PTPRD: variants seen among roughly 807,000 people sequenced by gnomAD.
The protein encoded by PTPRD is protein tyrosine phosphatase receptor type D.
A neutral mutation model predicts 214.5 loss-of-function variants in PTPRD; 34 were observed. That is an observed-to-expected ratio of 0.16 (90% CI 0.12 to 0.21). The LOEUF (loss-of-function observed/expected upper bound fraction) is 0.21. PTPRD is among the 10% of genes least tolerant of loss of function. The pLI, the probability that PTPRD is intolerant of heterozygous loss-of-function variation, is 1.00. For synonymous variants in PTPRD, 1,128 were observed against 845.7 expected (o/e 1.33, Z -5.79); for missense variants, 2,545 against 2,398.7 (o/e 1.06, Z -1.27).
In PTPRD at chr9:10,111,340, G is replaced by A. The variant is rs1468328692; in HGVS notation, c.-544-77550C>T. On this transcript the variant is annotated intron_variant, in intron 3 of 45. Coordinates refer to ENST00000381196, the MANE Select transcript of PTPRD (RefSeq NM_002839.4). The stretch of plus-strand genomic sequence containing the variant: ...TGCAAGCTCCGCCTCCTGGGTTCAT[G>A]CCATTCTCCTGCCTCAGCCTCCCAA... Among the ~76,000 whole-genome samples the A allele has an allele frequency of 6.5e-4, 88 of 134,986 alleles. 4 individuals carry two copies. The highest frequency in any genetic ancestry group is 1.9e-3 in the African/African-American group (67 of 35,524). The allele number at this position is 134,986 out of a possible 152,430, so 88.6% of individuals were successfully genotyped here.
intron 8 of PTPRD, among the ~76,000 whole-genome samples, chr9:9,502,058 G>A (rs1281469763): frequency 6.6e-6 from 1 of 151,688 alleles, no homozygotes; most frequent in Non-Finnish European, 1.5e-5. Context: ...TACCACAATC[G>A]ATGTCATAAA....
At chr9:10,072,720 A>G (rs2098050609) in intron 3 of PTPRD, among the ~76,000 whole-genome samples, 1 of 152,090 alleles carries the variant, frequency 6.6e-6, no homozygotes, top group Non-Finnish European at 1.5e-5. Flanking sequence ...CTTGCTAGCT[A>G]CATAGCGCTG....
chr9:8,493,489 C>T (rs2097191736), intron 26 of PTPRD, among the ~76,000 whole-genome samples: 1 of 152,154 alleles, frequency 6.6e-6, no homozygotes, highest in Non-Finnish European at 1.5e-5. Flanking sequence ...GGGCTGATGC[C>T]AGCATAGTCT....
At chr9:10,607,845 AT>A (rs1172434705) in intron 2 of PTPRD, among the ~76,000 whole-genome samples, 3 of 151,932 alleles carry the variant, frequency 2.0e-5, no homozygotes, top group East Asian at 1.9e-4. Flanking sequence ...TTGTTATTAC[AT>A]TTTTTTAAAG....
intron 5 of PTPRD, among the ~76,000 whole-genome samples, chr9:9,841,776 A>T (rs1174147488): frequency 1.3e-5 from 2 of 152,080 alleles, no homozygotes; most frequent in Non-Finnish European, 2.9e-5. Context: ...TTCTGTACAA[A>T]TGCATAACCC....
At chr9:8,958,211 A>G (rs1454376517) in intron 11 of PTPRD, among the ~76,000 whole-genome samples, 1 of 151,714 alleles carries the variant, frequency 6.6e-6, no homozygotes, top group Non-Finnish European at 1.5e-5. Context: ...GTATCTGGAG[A>G]CTCATGATGC....
intron 2 of PTPRD, among the ~76,000 whole-genome samples, chr9:10,565,866 T>C (rs1296966706): frequency 6.6e-6 from 1 of 151,794 alleles, no homozygotes; most frequent in African/African-American, 2.4e-5. Context: ...ACACACAGTA[T>C]GTATAATACA....
chr9:9,900,644 T>TGGTTTTTTTTTGTTTG (rs1555302326), intron 5 of PTPRD, among the ~76,000 whole-genome samples: 1 of 143,860 alleles, frequency 7.0e-6, no homozygotes, highest in African/African-American at 2.9e-5. Flanking sequence ...TTTTCAGGTT[T>TGGTTTTTTTTTGTTTG]TTTTTTTTTT....
intron 8 of PTPRD, among the ~76,000 whole-genome samples, chr9:9,525,069 G>C (rs1056450063): frequency 4.6e-5 from 7 of 152,164 alleles, no homozygotes; most frequent in Non-Finnish European, 1.0e-4. Flanking sequence ...ATGTTAGCCA[G>C]GATGGTCTCG....
intron 2 of PTPRD, among the ~76,000 whole-genome samples, chr9:10,501,721 G>C (rs2043777203): frequency 6.6e-6 from 1 of 151,936 alleles, no homozygotes; most frequent in Non-Finnish European, 1.5e-5. Flanking sequence ...ACAAAATAAA[G>C]GGTAGGATAT....
chr9:10,232,342 A>G (rs1201553809), intron 3 of PTPRD, among the ~76,000 whole-genome samples: 1 of 151,926 alleles, frequency 6.6e-6, no homozygotes, highest in Non-Finnish European at 1.5e-5. Flanking sequence ...CTCCTCTAAA[A>G]CATTAGTAAA....
At position 8,331,602 on chromosome 9, in the gene PTPRD, T is replaced by G. The variant is rs2131636921; in HGVS notation, c.5514A>C (p.Gly1838=). 1 of 1,352,846 alleles carries G rather than the reference T, an allele frequency of 7.4e-7. No individual in the cohort carries two copies. The highest frequency in any genetic ancestry group is 1.4e-5 in the South Asian group (1 of 73,184). 83.8% of individuals were successfully genotyped at this position (1,352,846 alleles called of 1,614,324 possible). Residue 1838 remains glycine, a synonymous_variant, in exon 44 of 46, where the codon GGA becomes GGC. Coordinates refer to ENST00000381196, the MANE Select transcript of PTPRD (RefSeq NM_002839.4). ...CTTACCTGCAATGGACTGAAATGGG[T>G]CCATCTTGGCCAAACTGTTCTTTTG... The part of the protein sequence containing the change: ...HKTKEQFGQD[G]PISVHCSAGV...
intron 34 of PTPRD, among the ~76,000 whole-genome samples, chr9:8,448,155 C>T (rs1317544300): frequency 6.6e-6 from 1 of 151,714 alleles, no homozygotes; most frequent in Non-Finnish European, 1.5e-5. Flanking sequence ...CCAAACTCCA[C>T]CTCCACAAAA....
Position 9,189,930 on chromosome 9 carries a change from T to C in PTPRD, c.-202-6567A>G, listed in dbSNP as rs191694665. 3.7e-3 allele frequency among the ~76,000 whole-genome samples: 564 copies of C among 152,134 alleles called. 1 individual carries two copies. The highest frequency in any genetic ancestry group is 5.3e-3 in the Non-Finnish European group (360 of 67,974). On this transcript the variant is annotated intron_variant, in intron 9 of 45. Coordinates refer to ENST00000381196, the MANE Select transcript of PTPRD (RefSeq NM_002839.4). The stretch of plus-strand genomic sequence containing the variant: ...TGTGGCTGTGTAATTTGAGCAGAAG[T>C]ATCACATGTCACTTCCATGCAGAAG...
rs146008140 is a variant in PTPRD at position 8,773,376 on chromosome 9, C to G, written c.-103-39430G>C. On this transcript the variant is annotated intron_variant, in intron 11 of 45. Coordinates refer to ENST00000381196, the MANE Select transcript of PTPRD (RefSeq NM_002839.4). ...AGGAGTTTGCCAAGTTTTAATTGATCTCTTCTGTTTAAACCCTAGAAACTC... is the reference window on the plus strand; with the variant it reads ...AGGAGTTTGCCAAGTTTTAATTGATGTCTTCTGTTTAAACCCTAGAAACTC... Among the ~76,000 whole-genome samples the G allele has an allele frequency of 3.6e-3, 553 of 152,260 alleles. 10 individuals carry two copies. The highest frequency in any genetic ancestry group is 1.9e-3 in the Non-Finnish European group (130 of 68,004).
chr9:8,361,100 A>G (rs559408297), intron 39 of PTPRD, among the ~76,000 whole-genome samples: 1 of 152,202 alleles, frequency 6.6e-6, no homozygotes, highest in African/African-American at 2.4e-5. Flanking sequence ...CCAATTATGA[A>G]TGCGTCAGAT....
intron 11 of PTPRD, among the ~76,000 whole-genome samples, chr9:9,006,676 C>G (rs1410973370): frequency 6.6e-6 from 1 of 151,916 alleles, no homozygotes; most frequent in Non-Finnish European, 1.5e-5. Flanking sequence ...GGGAGTATTA[C>G]TGATATCATA....
intron 12 of PTPRD, among the ~76,000 whole-genome samples, chr9:8,652,176 C>T (rs1401159569): frequency 6.6e-6 from 1 of 152,080 alleles, no homozygotes; most frequent in Non-Finnish European, 1.5e-5. Context: ...TTTGAAAAAC[C>T]TTCAAATGAG....
intron 9 of PTPRD, among the ~76,000 whole-genome samples, chr9:9,348,161 G>C (rs1017849035): frequency 6.6e-6 from 1 of 152,088 alleles, no homozygotes; most frequent in Non-Finnish European, 1.5e-5. Context: ...ATTTGATTTG[G>C]TATCTTTAGA....
Sources: allele counts gnomAD v4.1 joint callset (sites outside exome capture counted in the v4.1 genomes callset), GRCh38; gene constraint gnomAD v4.1.1; transcripts MANE v1.5; gene names NCBI Gene and HGNC (gene_info 2026-07-23, HGNC 2026-07-21).